CECR2: variants seen among roughly 807,000 people sequenced by gnomAD.
The protein encoded by CECR2 is chromatin remodeling regulator CECR2.
CECR2 carries 30 observed loss-of-function variants against 154.5 expected under a neutral mutation model. The observed-to-expected ratio is 0.19, with a 90% confidence interval of 0.15 to 0.26. The LOEUF (loss-of-function observed/expected upper bound fraction) is 0.26, where lower values mean the gene tolerates loss of function less well. Among genes scored for constraint, CECR2 ranks in the 10% least tolerant of loss-of-function variants. The pLI, the probability that CECR2 is intolerant of heterozygous loss-of-function variation, is 1.00. For missense variants in CECR2, 1,743 were observed against 1,829.3 expected, an observed-to-expected ratio of 0.95 and a Z score of 0.86; for synonymous variants, 725 against 683.7, an observed-to-expected ratio of 1.06 and a Z score of -0.94.
intron 8 of CECR2, among the ~76,000 whole-genome samples, chr22:17,521,794 GC>G (rs1239232752): frequency 1.3e-5 from 2 of 152,200 alleles, no homozygotes; most frequent in African/African-American, 4.8e-5. Context: ...TGTTGCCATT[GC>G]TTTTGGTGTT....
At chr22:17,397,118 CT>C (rs796924008) in intron 1 of CECR2, among the ~76,000 whole-genome samples, 62 of 146,644 alleles carry the variant, frequency 4.2e-4, no homozygotes, top group Admixed American at 8.2e-4. Context: ...TCCTAAAGAG[CT>C]TTTTTTTTTT....
intron 1 of CECR2, among the ~76,000 whole-genome samples, chr22:17,440,449 CTT>C (rs2054568235): frequency 6.6e-6 from 1 of 152,060 alleles, no homozygotes; most frequent in Non-Finnish European, 1.5e-5. Flanking sequence ...GGCATAAAAA[CTT>C]TATGGAAAAG....
At chr22:17,513,813 T>C (rs1489947969) in intron 8 of CECR2, among the ~76,000 whole-genome samples, 1 of 152,224 alleles carries the variant, frequency 6.6e-6, no homozygotes, top group Non-Finnish European at 1.5e-5. Context: ...CTGCTCTGAG[T>C]ATTCCTAGAT....
intron 16 of CECR2, among the ~76,000 whole-genome samples, chr22:17,545,740 G>A (rs2056603639): frequency 6.6e-6 from 1 of 151,598 alleles, no homozygotes. Context: ...CTCCTCGGGA[G>A]GCTGAGGCAG....
intron 2 of CECR2, among the ~76,000 whole-genome samples, chr22:17,490,145 T>TGTGTG (rs370040041): frequency 0.047 from 4,405 of 94,390 alleles, 141 homozygotes; most frequent in African/African-American, 0.11. Context: ...ACTGTTTTTT[T>TGTGTG]TTTGTGTGTG....
intron 5 of CECR2, among the ~76,000 whole-genome samples, chr22:17,501,940 AT>A (rs2055745398): frequency 6.6e-6 from 1 of 150,948 alleles, no homozygotes; most frequent in Non-Finnish European, 1.5e-5. Context: ...TTTTCATTAA[AT>A]TTAAAATTCA....
chr22:17,529,240 GGCT>G (rs2056314290), intron 9 of CECR2, among the ~76,000 whole-genome samples: 1 of 152,158 alleles, frequency 6.6e-6, no homozygotes, highest in Non-Finnish European at 1.5e-5. Flanking sequence ...TCCAGGGCGA[GGCT>G]GCAGCGGAGG....
rs1421265832 is a variant in CECR2, at chr22:17,388,511, ATGAAT to A, written c.126+18607_126+18611del. Among the ~76,000 whole-genome samples the A allele has an allele frequency of 3.9e-5, 6 of 152,274 alleles. No homozygotes were observed. In the East Asian group the frequency reaches 1.2e-3, roughly 29 times the overall value. On this transcript the variant is annotated intron_variant, in intron 1 of 18. Transcript: ENST00000262608. The stretch of plus-strand genomic sequence containing the variant: ...AAAATGCGGAGGCATTTTTTGGTAA[ATGAAT>A]TGAACAGTACTGCTAGTGAGACAGG...
intron 1 of CECR2, among the ~76,000 whole-genome samples, chr22:17,404,894 A>T (rs2053957977): frequency 6.6e-6 from 1 of 152,216 alleles, no homozygotes; most frequent in Admixed American, 6.5e-5. Context: ...GCTAGCATTT[A>T]GATTGGAGTT....
chr22:17,505,107 CA>C, intron 7 of CECR2, 91 bp downstream of exon 7: 1 of 1,273,694 alleles, frequency 7.9e-7, no homozygotes, highest in Non-Finnish European at 1.1e-6. Flanking sequence ...CCATACACCC[CA>C]CTGTCCTGGA....
chr22:17,459,272 GTTTC>G (rs1479231857), intron 1 of CECR2, among the ~76,000 whole-genome samples: 2 of 152,178 alleles, frequency 1.3e-5, no homozygotes, highest in Non-Finnish European at 2.9e-5. Flanking sequence ...CAAAGATGCA[GTTTC>G]TTTCTTTCTT....
intron 1 of CECR2, among the ~76,000 whole-genome samples, chr22:17,437,246 C>T (rs1478048375): frequency 3.3e-5 from 5 of 152,112 alleles, no homozygotes; most frequent in Non-Finnish European, 5.9e-5. Flanking sequence ...CCTCTGCTCC[C>T]AGACGTCTCC....
At chr22:17,471,828 C>G (rs576206353) in intron 1 of CECR2, among the ~76,000 whole-genome samples, 1 of 152,294 alleles carries the variant, frequency 6.6e-6, no homozygotes, top group African/African-American at 2.4e-5. Context: ...AGCCACCACG[C>G]CTGGCCATAT....
chr22:17,389,562 C>CA (rs557975831), intron 1 of CECR2, among the ~76,000 whole-genome samples: 244 of 152,276 alleles, frequency 1.6e-3, no homozygotes, highest in African/African-American at 5.7e-3. Context: ...CCTTCTGACT[C>CA]AGCCTCCCAA....
intron 1 of CECR2, among the ~76,000 whole-genome samples, chr22:17,379,286 G>T (rs769416502): frequency 1.5e-4 from 23 of 152,096 alleles, no homozygotes; most frequent in Admixed American, 5.2e-4. Flanking sequence ...TTCCTAGAAC[G>T]TCATTTAAGG....
chr22:17,455,146 A>G (rs2054833615), intron 1 of CECR2, among the ~76,000 whole-genome samples: 1 of 152,254 alleles, frequency 6.6e-6, no homozygotes, highest in African/African-American at 2.4e-5. Flanking sequence ...AAACACCTTC[A>G]AATAAGGAAG....
intron 1 of CECR2, chr22:17,424,789 A>G (rs1441551576): frequency 6.5e-6 from 1 of 152,822 alleles, no homozygotes; most frequent in Non-Finnish European, 1.5e-5. Context: ...TGTGTGGGGC[A>G]TGGGCAACAG....
chr22:17,498,436 G>GCT (rs1427749418), intron 3 of CECR2, among the ~76,000 whole-genome samples: 6 of 151,866 alleles, frequency 4.0e-5, no homozygotes, highest in Non-Finnish European at 8.8e-5. Context: ...GTGGGTTATT[G>GCT]CTTTCACTCA....
intron 1 of CECR2, among the ~76,000 whole-genome samples, chr22:17,384,104 T>C (rs2063232657): frequency 6.6e-6 from 1 of 152,224 alleles, no homozygotes; most frequent in South Asian, 2.1e-4. Flanking sequence ...CCTGTTAATA[T>C]GGATATTTGG....
Sources: gnomAD v4.1 joint callset for allele counts (sites outside exome capture counted in the v4.1 genomes callset) on GRCh38, gnomAD v4.1.1 for gene constraint, MANE v1.5 for transcripts, NCBI Gene and HGNC (gene_info 2026-07-23, HGNC 2026-07-21) for gene names.